Variants in DLGAP1 observed in about 807,000 individuals in gnomAD.
The protein encoded by DLGAP1 is DLG associated protein 1, also known as disks large-associated protein 1.
Under a neutral mutation model 90.8 loss-of-function variants are expected in DLGAP1, and 11 were observed. The ratio of observed to expected loss-of-function variants is 0.12; its 90% CI spans 0.08 to 0.20. The LOEUF is 0.20. DLGAP1 is among the 10% of genes least tolerant of loss of function. DLGAP1 has a pLI of 1.00. For synonymous variants in DLGAP1, 558 were observed against 540.7 expected (o/e 1.03, Z -0.44); for missense variants, 1,050 against 1,333.8 (o/e 0.79, Z 3.31).
intron 2 of DLGAP1, among the ~76,000 whole-genome samples, chr18:4,127,734 TA>T (rs773305939): frequency 3.9e-4 from 60 of 152,182 alleles, no homozygotes; most frequent in Non-Finnish European, 7.1e-4. Flanking sequence ...AATGGTGAAT[TA>T]AGACCTCAGA....
intron 1 of DLGAP1, among the ~76,000 whole-genome samples, chr18:4,422,422 A>G (rs1294666048): frequency 5.3e-5 from 8 of 151,448 alleles, no homozygotes; most frequent in Non-Finnish European, 7.4e-5. Context: ...AAAAATATTA[A>G]TACTGGAATT....
intron 5 of DLGAP1, among the ~76,000 whole-genome samples, chr18:3,763,430 G>A (rs572954289): frequency 7.9e-5 from 12 of 152,000 alleles, no homozygotes; most frequent in Non-Finnish European, 1.2e-4. Context: ...ACTCTACCTT[G>A]TGATCACATG....
intron 1 of DLGAP1, among the ~76,000 whole-genome samples, chr18:4,393,539 C>G (rs2082379704): frequency 6.6e-6 from 1 of 152,164 alleles, no homozygotes; most frequent in African/African-American, 2.4e-5. Context: ...AAAATGGCAA[C>G]CCCTCCCATT....
In DLGAP1 at chr18:4,181,900, A is replaced by C. The variant is rs372948214; in HGVS notation, c.-266-30613T>G. On this transcript the variant is annotated intron_variant, in intron 1 of 12. Transcript: ENST00000315677. Reference sequence around the variant, plus strand: ...TATGGGAGCTGTTTTCTTCCATTAGAAGAAACACCAGTAGCAACATATGTA... The same window carrying C: ...TATGGGAGCTGTTTTCTTCCATTAGCAGAAACACCAGTAGCAACATATGTA... 1.7e-4 allele frequency among the ~76,000 whole-genome samples: 26 copies of C among 152,288 alleles called. 2 individuals are homozygous for C. Among genetic ancestry groups the C allele is most frequent in the African/African-American group, 3.1e-4 (13 of 41,562 alleles).
intron 2 of DLGAP1, among the ~76,000 whole-genome samples, chr18:4,139,793 T>C (rs1350134214): frequency 6.6e-6 from 1 of 151,994 alleles, no homozygotes; most frequent in Non-Finnish European, 1.5e-5. Context: ...GGTGCTCCAG[T>C]GTTGGGTGTA....
chr18:4,199,421 C>T (rs979248058), intron 1 of DLGAP1, among the ~76,000 whole-genome samples: 1 of 152,228 alleles, frequency 6.6e-6, no homozygotes, highest in Non-Finnish European at 1.5e-5. Context: ...TAATTGGAAA[C>T]ATTTTTGTAT....
intron 8 of DLGAP1, chr18:3,580,682 G>A (rs546385343): frequency 1.3e-5 from 21 of 1,611,930 alleles, no homozygotes; most frequent in South Asian, 1.2e-4. Flanking sequence ...CCCTGAGGAC[G>A]ACGGTGGCCA....
At chr18:4,245,727 T>C (rs2078640322) in intron 1 of DLGAP1, among the ~76,000 whole-genome samples, 1 of 152,204 alleles carries the variant, frequency 6.6e-6, no homozygotes, top group Non-Finnish European at 1.5e-5. Flanking sequence ...GGCTTCTTTT[T>C]CAAGTAAGAT....
At chr18:3,510,387 C>A (rs1352154740) in intron 10 of DLGAP1, among the ~76,000 whole-genome samples, 1 of 152,236 alleles carries the variant, frequency 6.6e-6, no homozygotes, top group Non-Finnish European at 1.5e-5. Flanking sequence ...TCTACCTCTT[C>A]TATGGGTGTG....
At chr18:3,532,386 C>G (rs1053253738) in intron 10 of DLGAP1, among the ~76,000 whole-genome samples, 1 of 151,870 alleles carries the variant, frequency 6.6e-6, no homozygotes, top group African/African-American at 2.4e-5. Flanking sequence ...TCAAGACCAG[C>G]CTGACCAACA....
At chr18:4,248,448 A>T (rs1165674360) in intron 1 of DLGAP1, 1 of 152,200 alleles carries the variant, frequency 6.6e-6, no homozygotes, top group Non-Finnish European at 1.5e-5. Flanking sequence ...CAGGCTCACA[A>T]ATGGCTCTCT....
intron 10 of DLGAP1, among the ~76,000 whole-genome samples, chr18:3,509,589 G>C (rs764019748): frequency 3.9e-5 from 6 of 152,180 alleles, no homozygotes; most frequent in Non-Finnish European, 5.9e-5. Flanking sequence ...TCAAAAACTA[G>C]AGCAGGAGAA....
chr18:4,245,273 A>T (rs1206495582), intron 1 of DLGAP1, among the ~76,000 whole-genome samples: 1 of 152,190 alleles, frequency 6.6e-6, no homozygotes, highest in Non-Finnish European at 1.5e-5. Flanking sequence ...ATTGCTACTG[A>T]TGTTTCAATA....
At chr18:4,039,881 C>A (rs936629667) in intron 2 of DLGAP1, among the ~76,000 whole-genome samples, 2 of 152,166 alleles carry the variant, frequency 1.3e-5, no homozygotes, top group African/African-American at 4.8e-5. Context: ...TACAACATTG[C>A]AAATGATAGC....
chr18:4,051,683 C>T (rs750119246), intron 2 of DLGAP1, among the ~76,000 whole-genome samples: 6 of 152,164 alleles, frequency 3.9e-5, no homozygotes, highest in Non-Finnish European at 8.8e-5. Context: ...CACAATGATG[C>T]CCTTCCAACA....
chr18:3,605,172 G>C (rs2057271615), intron 7 of DLGAP1, among the ~76,000 whole-genome samples: 1 of 152,124 alleles, frequency 6.6e-6, no homozygotes, highest in South Asian at 2.1e-4. Flanking sequence ...TTTTCCTTTA[G>C]TTATTCAACC....
At chr18:4,247,432 A>AAT (rs781169484) in intron 1 of DLGAP1, among the ~76,000 whole-genome samples, 3 of 152,294 alleles carry the variant, frequency 2.0e-5, no homozygotes, top group South Asian at 4.1e-4. Flanking sequence ...TCATAGCTAC[A>AAT]ATATACTGCC....
intron 2 of DLGAP1, among the ~76,000 whole-genome samples, chr18:4,098,855 T>A (rs1426449355): frequency 6.6e-6 from 1 of 152,184 alleles, no homozygotes; most frequent in East Asian, 1.9e-4. Context: ...TTTAGACATA[T>A]GGGCAAGTCA....
intron 2 of DLGAP1, among the ~76,000 whole-genome samples, chr18:4,124,586 TG>T (rs1381512636): frequency 6.6e-6 from 1 of 152,260 alleles, no homozygotes; most frequent in Non-Finnish European, 1.5e-5. Context: ...ACAATGGCCT[TG>T]TTTTCAGAAA....
Sources: allele counts gnomAD v4.1 joint callset (sites outside exome capture counted in the v4.1 genomes callset), GRCh38; gene constraint gnomAD v4.1.1; transcripts MANE v1.5; gene names NCBI Gene and HGNC (gene_info 2026-07-23, HGNC 2026-07-21).